Variants in MSN observed in about 807,000 individuals in gnomAD.
The protein encoded by MSN is moesin, also known as epididymis luminal protein 70.
A neutral mutation model predicts 48.0 loss-of-function variants in MSN; 2 were observed. That is an observed-to-expected ratio of 0.04 (90% CI 0.02 to 0.13). MSN has a LOEUF of 0.13. Ranked by LOEUF, MSN falls within the 10% of genes least tolerant of loss-of-function variation. The pLI is 1.00. For synonymous variants in MSN, 146 were observed against 166.9 expected (o/e 0.87, Z 0.97); for missense variants, 267 against 470.1 (o/e 0.57, Z 3.99).
chrX:65,737,397 C>T, intron 10 of MSN, 59 bp downstream of exon 10: 1 of 1,140,846 alleles, frequency 8.8e-7, no homozygotes, highest in Non-Finnish European at 1.2e-6. Flanking sequence ...TGTCTGCCTA[C>T]TTACTTATAG....
At chrX:65,675,045 C>A (rs1421062116) in intron 1 of MSN, among the ~76,000 whole-genome samples, 1 of 112,152 alleles carries the variant, frequency 8.9e-6, no homozygotes, top group African/African-American at 3.2e-5. Context: ...AAGTGATATA[C>A]AAATGTTATG....
At chrX:65,603,482 C>T (rs766407808) in intron 1 of MSN, among the ~76,000 whole-genome samples, 13 of 111,570 alleles carry the variant, frequency 1.2e-4, no homozygotes, top group Non-Finnish European at 2.1e-4. Flanking sequence ...TAAGGTCATG[C>T]ACCTGGAAAT....
chrX:65,618,902 G>C (rs1375622970), intron 1 of MSN, among the ~76,000 whole-genome samples: 14 of 110,376 alleles, frequency 1.3e-4, no homozygotes, highest in Non-Finnish European at 2.7e-4. Flanking sequence ...AGGCAGGCCT[G>C]GTGGTGACAA....
chrX:65,588,422 GCTCTTGGCTAT>G lies in MSN; in HGVS notation c.-206_-196del, dbSNP rs2070115216. 4 of 324,849 alleles carry G rather than the reference GCTCTTGGCTAT, an allele frequency of 1.2e-5. No homozygotes were observed. The East Asian group carries it at 3.5e-4, about 28-fold the overall frequency. 26.8% of individuals were successfully genotyped at this position (324,849 alleles called of 1,213,427 possible). On this transcript the variant is annotated 5_prime_UTR_variant, in exon 1 of 4. Coordinates refer to the MSN transcript ENST00000609672. The stretch of plus-strand genomic sequence containing the variant: ...AAGAAGAGGCGCCCGGAAAACCTTA[GCTCTTGGCTAT>G]CTCTTCCCTGAGCACACCCTGGCCC...
intron 1 of MSN, among the ~76,000 whole-genome samples, chrX:65,629,157 C>T (rs139293332): frequency 0.13 from 14,254 of 110,586 alleles, 2,278 homozygotes; most frequent in African/African-American, 0.44. Context: ...ACCAGATACC[C>T]TAAATCATCT....
intron 1 of MSN, among the ~76,000 whole-genome samples, chrX:65,697,109 AT>A (rs1416047958): frequency 3.8e-5 from 4 of 104,452 alleles, no homozygotes; most frequent in African/African-American, 1.4e-4. Flanking sequence ...CTCTCAAAAA[AT>A]TTTTTCTTAA....
chrX:65,649,187 C>G (rs1304798824), intron 1 of MSN, among the ~76,000 whole-genome samples: 1 of 106,966 alleles, frequency 9.3e-6, no homozygotes, highest in Non-Finnish European at 1.9e-5. Flanking sequence ...CAACATGGGT[C>G]CAATGTGTAC....
At chrX:65,657,274 G>A (rs767159661) in intron 1 of MSN, among the ~76,000 whole-genome samples, 20 of 111,634 alleles carry the variant, frequency 1.8e-4, no homozygotes, top group Non-Finnish European at 3.8e-5. Context: ...AGGGGAGCTC[G>A]AGGGGAGAGG....
At chrX:65,731,262 A>T in intron 5 of MSN, 72 bp downstream of exon 5, 2 of 876,796 alleles carry the variant, frequency 2.3e-6, no homozygotes, top group Non-Finnish European at 3.3e-6. Context: ...TAGGGAGAAG[A>T]GACTGATGAC....
rs141227854 is a variant in MSN, at chrX:65,661,454, G to A, written c.-21-55364G>A. Among the ~76,000 whole-genome samples, 182 of 112,322 alleles carry A rather than the reference G, an allele frequency of 1.6e-3. 2 individuals are homozygous for A. In the East Asian group the frequency reaches 0.033, roughly 20 times the overall value. ...ACATTGAACCAGCCTCGCACTCCAG[G>A]AATGAAGCTGATTGATCATGGCATG... On this transcript the variant is annotated intron_variant, in intron 1 of 3. Coordinates refer to the MSN transcript ENST00000609672.
At chrX:65,603,137 T>C (rs1162955109) in intron 1 of MSN, among the ~76,000 whole-genome samples, 1 of 111,318 alleles carries the variant, frequency 9.0e-6, no homozygotes, top group African/African-American at 3.3e-5. Context: ...CTACTAAAAA[T>C]ACAAAAATTA....
intron 1 of MSN, among the ~76,000 whole-genome samples, chrX:65,600,178 A>T (rs1602707846): frequency 1.8e-5 from 2 of 111,398 alleles, no homozygotes; most frequent in East Asian, 2.8e-4. Context: ...GCCACCCAAA[A>T]TTCCAGACAG....
At chrX:65,623,163 T>C (rs1022410083) in intron 1 of MSN, among the ~76,000 whole-genome samples, 4 of 110,377 alleles carry the variant, frequency 3.6e-5, no homozygotes, top group East Asian at 5.6e-4. Context: ...TGTTAGTATT[T>C]AGTTGAGGAC....
At chrX:65,723,659 G>A (rs1022723388) in intron 2 of MSN, among the ~76,000 whole-genome samples, 1 of 111,860 alleles carries the variant, frequency 8.9e-6, no homozygotes, top group Non-Finnish European at 1.9e-5. Context: ...CTGGAATGGA[G>A]GTCTCAACTG....
chrX:65,714,643 C>G (rs1008208165), intron 1 of MSN, among the ~76,000 whole-genome samples: 5 of 111,777 alleles, frequency 4.5e-5, no homozygotes, highest in African/African-American at 1.6e-4. Flanking sequence ...ATATCCTTTG[C>G]TCACATTTTA....
chrX:65,588,957 G>A (rs191639079), intron 1 of MSN: 250 of 137,590 alleles, frequency 1.8e-3, no homozygotes, highest in Middle Eastern at 5.5e-3. Flanking sequence ...TGCTAGTGCC[G>A]ATGCTGCTGG....
intron 1 of MSN, among the ~76,000 whole-genome samples, chrX:65,615,832 G>A (rs1409040955): frequency 2.7e-5 from 3 of 111,706 alleles, no homozygotes; most frequent in Non-Finnish European, 5.6e-5. Context: ...GGTTTTTGTG[G>A]TTTTAGGTCT....
Position 65,734,472 on chromosome X carries a change from G to A in MSN, c.796-795G>A, listed in dbSNP as rs750776568. 4.5e-5 allele frequency among the ~76,000 whole-genome samples: 5 copies of A among 111,966 alleles called. No homozygotes were observed. In the Admixed American group the frequency reaches 4.7e-4, roughly 11 times the overall value. The stretch of plus-strand genomic sequence containing the variant: ...CAAGATCACACAGCTAAAAATGGTA[G>A]AGCTGGGATTTATACCTGCACCCCA... On this transcript the variant is annotated intron_variant, in intron 7 of 12. Coordinates refer to ENST00000360270, the MANE Select transcript of MSN (RefSeq NM_002444.3).
At chrX:65,711,525 A>G (rs2071415698) in intron 1 of MSN, among the ~76,000 whole-genome samples, 1 of 112,553 alleles carries the variant, frequency 8.9e-6, no homozygotes, top group Non-Finnish European at 1.9e-5. Flanking sequence ...TATCACAATT[A>G]GTTATTGTAT....
Sources: allele counts gnomAD v4.1 joint callset (sites outside exome capture counted in the v4.1 genomes callset), GRCh38; gene constraint gnomAD v4.1.1; transcripts MANE v1.5; gene names NCBI Gene and HGNC (gene_info 2026-07-23, HGNC 2026-07-21).